MAGI1: variants seen among roughly 807,000 people sequenced by gnomAD.
The protein encoded by MAGI1 is membrane-associated guanylate kinase, WW and PDZ domain-containing protein 1.
In MAGI1, 58 loss-of-function variants were observed where a neutral mutation model predicts 139.9. The ratio of observed to expected loss-of-function variants is 0.41; its 90% CI spans 0.34 to 0.52. The LOEUF (loss-of-function observed/expected upper bound fraction) is 0.52, where lower values mean the gene tolerates loss of function less well. MAGI1 is among the 20% of genes least tolerant of loss of function. MAGI1 has a pLI of 0.12. For synonymous variants in MAGI1, 812 were observed against 737.9 expected (o/e 1.10, Z -1.63); for missense variants, 1,874 against 1,901.6 (o/e 0.99, Z 0.27).
intron 1 of MAGI1, among the ~76,000 whole-genome samples, chr3:65,950,067 C>CAAAAAAAAACAAAAAAAAAAAA (rs2063733550): frequency 6.5e-5 from 5 of 76,714 alleles, no homozygotes; most frequent in African/African-American, 1.2e-4. Context: ...AACAAAAAAA[C>CAAAAAAAAACAAAAAAAAAAAA]AAAAAAAAAA....
intron 1 of MAGI1, among the ~76,000 whole-genome samples, chr3:65,679,660 A>T (rs180964013): frequency 6.6e-6 from 1 of 152,292 alleles, no homozygotes; most frequent in East Asian, 1.9e-4. Flanking sequence ...AGATACAGGG[A>T]GCATCCTCAG....
intron 5 of MAGI1, 134 bp downstream of exon 5, chr3:65,470,149 T>C: frequency 1.6e-6 from 1 of 616,004 alleles, no homozygotes; most frequent in African/African-American, 1.8e-5. Flanking sequence ...CAAAACTTAT[T>C]AAACCTTATT....
At chr3:65,791,854 G>T (rs950303199) in intron 1 of MAGI1, among the ~76,000 whole-genome samples, 2 of 152,062 alleles carry the variant, frequency 1.3e-5, no homozygotes, top group African/African-American at 4.8e-5. Context: ...CAAAAGGACA[G>T]TCTGAGCTGG....
chr3:65,681,681 A>G lies in MAGI1; in HGVS notation c.314-59593T>C, dbSNP rs1286647886. 3.3e-5 allele frequency among the ~76,000 whole-genome samples: 5 copies of G among 152,346 alleles called. No homozygotes were observed. The East Asian group carries it at 9.7e-4, about 29-fold the overall frequency. On this transcript the variant is annotated intron_variant, in intron 1 of 22. Coordinates refer to ENST00000402939, the MANE Select transcript of MAGI1 (RefSeq NM_001033057.2). ...CTCAGTGCAAAGCTATCTTGCTTTT[A>G]AACAAAGCACTCATAGATAACAAGT...
chr3:65,980,741 C>T (rs530176560), intron 1 of MAGI1, among the ~76,000 whole-genome samples: 156 of 152,184 alleles, frequency 1.0e-3, no homozygotes, highest in Non-Finnish European at 1.7e-3. Flanking sequence ...TTGGAATGCT[C>T]GCTTATTAGT....
intron 2 of MAGI1, among the ~76,000 whole-genome samples, chr3:65,596,177 GC>G (rs2082186447): frequency 6.6e-6 from 1 of 152,088 alleles, no homozygotes; most frequent in Non-Finnish European, 1.5e-5. Flanking sequence ...TAAAAGACAA[GC>G]TTTTCTCAAC....
chr3:66,020,083 T>C (rs1184818804), intron 1 of MAGI1, among the ~76,000 whole-genome samples: 1 of 152,174 alleles, frequency 6.6e-6, no homozygotes, highest in Non-Finnish European at 1.5e-5. Flanking sequence ...TCTGGGTCTC[T>C]CTCTCCCTGG....
At chr3:65,973,703 T>A (rs1191295359) in intron 1 of MAGI1, among the ~76,000 whole-genome samples, 1 of 152,240 alleles carries the variant, frequency 6.6e-6, no homozygotes, top group African/African-American at 2.4e-5. Flanking sequence ...AAAATAGGGA[T>A]AATACTTACA....
rs370000779 is a variant in MAGI1, at chr3:65,372,521, T to C, written c.3196+3224A>G. On this transcript the variant is annotated intron_variant, in intron 18 of 22. Transcript: ENST00000402939. ...GATGAGCACTGGCTTCAGCTTAAGGTCATCAGCTGCATTAGCCCCTAACAA... is the reference window on the plus strand; with the variant it reads ...GATGAGCACTGGCTTCAGCTTAAGGCCATCAGCTGCATTAGCCCCTAACAA... Among the ~76,000 whole-genome samples, 14 of 152,312 alleles carry C rather than the reference T, an allele frequency of 9.2e-5. No individual in the cohort carries two copies. The South Asian group carries it at 2.7e-3, about 29-fold the overall frequency.
intron 5 of MAGI1, among the ~76,000 whole-genome samples, chr3:65,462,524 T>G (rs1362825831): frequency 6.6e-6 from 1 of 152,220 alleles, no homozygotes; most frequent in East Asian, 1.9e-4. Flanking sequence ...TACTGTAGCC[T>G]TGTAGTATAG....
At chr3:65,563,159 A>G (rs1456307826) in intron 2 of MAGI1, among the ~76,000 whole-genome samples, 2 of 152,218 alleles carry the variant, frequency 1.3e-5, no homozygotes, top group African/African-American at 2.4e-5. Flanking sequence ...GGATTCCAAT[A>G]AATTTTCAGG....
At chr3:65,516,902 G>C (rs934753218) in intron 2 of MAGI1, among the ~76,000 whole-genome samples, 6 of 139,482 alleles carry the variant, frequency 4.3e-5, no homozygotes, top group Non-Finnish European at 7.8e-5. Flanking sequence ...TAATTTTTTT[G>C]TATTTTTAGT....
intron 1 of MAGI1, among the ~76,000 whole-genome samples, chr3:65,751,338 T>C (rs2107824940): frequency 6.6e-6 from 1 of 152,334 alleles, no homozygotes. Flanking sequence ...CTGAGAAATG[T>C]TCCCGGCATC....
chr3:65,488,233 T>C (rs9832589), intron 3 of MAGI1, among the ~76,000 whole-genome samples: 149,490 of 152,326 alleles, frequency 0.98, 73,417 homozygotes, highest in East Asian at 1. Context: ...CACAGTCCTC[T>C]CATAGCTTCG....
At chr3:65,646,516 G>C (rs2085270872) in intron 1 of MAGI1, among the ~76,000 whole-genome samples, 1 of 152,010 alleles carries the variant, frequency 6.6e-6, no homozygotes, top group South Asian at 2.1e-4. Context: ...AAATTTCCAA[G>C]ATGTAGAAAA....
intron 1 of MAGI1, among the ~76,000 whole-genome samples, chr3:65,765,525 C>A (rs898491731): frequency 6.6e-6 from 1 of 152,140 alleles, no homozygotes; most frequent in East Asian, 1.9e-4. Flanking sequence ...TATCCAAAGT[C>A]GTTTAGCTAG....
chr3:65,846,793 CTA>C (rs1236492665), intron 1 of MAGI1, among the ~76,000 whole-genome samples: 4 of 152,020 alleles, frequency 2.6e-5, no homozygotes, highest in Non-Finnish European at 1.5e-5. Context: ...ATTCCAGGGC[CTA>C]TGGTCTTAGC....
chr3:65,959,044 T>C lies in MAGI1; in HGVS notation c.313+78952A>G, dbSNP rs994300770. On this transcript the variant is annotated intron_variant, in intron 1 of 22. Transcript: ENST00000402939. The stretch of plus-strand genomic sequence containing the variant: ...TGCCCCTTGTCCAGAGTAGAAAGAA[T>C]TGTGGTGCTTCTTACAACTGCCAAA... Among the ~76,000 whole-genome samples the C allele has an allele frequency of 2.6e-5, 4 of 151,098 alleles. No individual in the cohort carries two copies. In the East Asian group the frequency reaches 7.7e-4, roughly 29 times the overall value.
At chr3:65,558,100 T>A (rs1464990697) in intron 2 of MAGI1, among the ~76,000 whole-genome samples, 1 of 152,194 alleles carries the variant, frequency 6.6e-6, no homozygotes, top group Admixed American at 6.5e-5. Flanking sequence ...AGGGCACCAA[T>A]AGGCTTTCTC....
Sources: gnomAD v4.1 joint callset for allele counts (sites outside exome capture counted in the v4.1 genomes callset) on GRCh38, gnomAD v4.1.1 for gene constraint, MANE v1.5 for transcripts, NCBI Gene and HGNC (gene_info 2026-07-23, HGNC 2026-07-21) for gene names.